The following SEMA3C variants were observed in gnomAD, a reference collection of about 807,000 sequenced individuals.
SEMA3C encodes the protein semaphorin-3C.
A neutral mutation model predicts 89.4 loss-of-function variants in SEMA3C; 47 were observed. That is an observed-to-expected ratio of 0.53 (90% CI 0.42 to 0.67). The LOEUF is 0.67. Ranked by LOEUF, SEMA3C falls within the 30% of genes least tolerant of loss-of-function variation. The probability of loss-of-function intolerance (pLI) is 0.00; values close to 1 mark genes in which losing one functional copy is unlikely to be tolerated. For missense variants in SEMA3C, 839 were observed against 929.1 expected (o/e 0.90, Z 1.26); for synonymous variants, 310 against 320.2 (o/e 0.97, Z 0.34).
At chr7:80,852,519 A>T (rs1485351236) in intron 2 of SEMA3C, among the ~76,000 whole-genome samples, 1 of 152,202 alleles carries the variant, frequency 6.6e-6, no homozygotes, top group African/African-American at 2.4e-5. Context: ...CAAAGGAAAC[A>T]ATCAACAAAG....
At chr7:80,799,150 G>C (rs573103036) in intron 10 of SEMA3C, among the ~76,000 whole-genome samples, 1 of 152,244 alleles carries the variant, frequency 6.6e-6, no homozygotes, top group East Asian at 1.9e-4. Context: ...CTTAGAACAG[G>C]AGTTAAACTC....
chr7:80,850,873 A>G (rs1261750380), intron 2 of SEMA3C, among the ~76,000 whole-genome samples: 1 of 152,158 alleles, frequency 6.6e-6, no homozygotes, highest in Non-Finnish European at 1.5e-5. Flanking sequence ...AGGCGTGGTG[A>G]CTTAAAACAC....
At chr7:80,784,390 A>G (rs1310276259) in intron 12 of SEMA3C, among the ~76,000 whole-genome samples, 2 of 151,938 alleles carry the variant, frequency 1.3e-5, no homozygotes, top group Admixed American at 6.6e-5. Context: ...TTTTATAGAC[A>G]GTAGTATCAG....
chr7:80,854,909 A>C (rs1790602624), intron 2 of SEMA3C, among the ~76,000 whole-genome samples: 1 of 152,194 alleles, frequency 6.6e-6, no homozygotes, highest in Non-Finnish European at 1.5e-5. Context: ...TTCTGTATTT[A>C]GATATTAGAT....
At chr7:80,777,315 G>A (rs1427835195) in intron 12 of SEMA3C, among the ~76,000 whole-genome samples, 6 of 151,152 alleles carry the variant, frequency 4.0e-5, no homozygotes, top group South Asian at 2.1e-4. Flanking sequence ...TTTTTTAGAC[G>A]GCGTCTGGCT....
intron 2 of SEMA3C, among the ~76,000 whole-genome samples, chr7:80,867,811 C>T (rs1790964277): frequency 6.6e-6 from 1 of 151,988 alleles, no homozygotes; most frequent in South Asian, 2.1e-4. Flanking sequence ...ATATGTAATG[C>T]AAATGAGTCA....
upstream of SEMA3C, among the ~76,000 whole-genome samples, chr7:80,920,032 C>T (rs1434318126): frequency 6.6e-6 from 1 of 152,102 alleles, no homozygotes; most frequent in Non-Finnish European, 1.5e-5. Flanking sequence ...AACCATACTC[C>T]CAAACATAAT....
intron 15 of SEMA3C, among the ~76,000 whole-genome samples, chr7:80,756,596 A>G (rs543292374): frequency 1.3e-5 from 2 of 152,318 alleles, no homozygotes; most frequent in Admixed American, 1.3e-4. Context: ...ACAAAGTCTG[A>G]CATCATGTGG....
At chr7:80,918,154 G>C (rs1279356112) in intron 1 of SEMA3C, 1 of 152,162 alleles carries the variant, frequency 6.6e-6, no homozygotes, top group Non-Finnish European at 1.5e-5. Flanking sequence ...TTTTATGGGT[G>C]ACTTTCCCTC....
rs577819044 is a variant in SEMA3C, at chr7:80,905,787, T to C, written c.103+10892A>G. The stretch of plus-strand genomic sequence containing the variant: ...CTTCTTTTATGGTATGCAGCAGGGT[T>C]TGCCTGGTGTAATATTTACATGGTT... On this transcript the variant is annotated intron_variant, in intron 2 of 17. Coordinates refer to ENST00000265361, the MANE Select transcript of SEMA3C (RefSeq NM_006379.5). 9 of 1,088,352 alleles carry C rather than the reference T, an allele frequency of 8.3e-6. No homozygotes were observed. In the East Asian group the frequency reaches 5.3e-4, roughly 64 times the overall value. 67.4% of individuals were successfully genotyped at this position (1,088,352 alleles called of 1,614,324 possible).
chr7:80,837,030 A>G (rs1790146861), intron 2 of SEMA3C, among the ~76,000 whole-genome samples: 1 of 152,242 alleles, frequency 6.6e-6, no homozygotes. Context: ...AAAGTGGAGC[A>G]TGCTGTCAGT....
chr7:80,823,390 T>C (rs1789799197), intron 4 of SEMA3C, among the ~76,000 whole-genome samples: 1 of 152,202 alleles, frequency 6.6e-6, no homozygotes, highest in African/African-American at 2.4e-5. Flanking sequence ...TGTTGCTTTC[T>C]ATGTACTTTT....
chr7:80,861,726 A>G (rs563378200), intron 2 of SEMA3C, among the ~76,000 whole-genome samples: 1 of 152,196 alleles, frequency 6.6e-6, no homozygotes, highest in Non-Finnish European at 1.5e-5. Flanking sequence ...AGGCTCTAAG[A>G]ATACAGTGTT....
chr7:80,866,289 A>T (rs1274117846), intron 2 of SEMA3C, among the ~76,000 whole-genome samples: 1 of 152,090 alleles, frequency 6.6e-6, no homozygotes, highest in Non-Finnish European at 1.5e-5. Flanking sequence ...CTATCTTCTG[A>T]GGGGTCCAGT....
At chr7:80,847,362 G>A (rs1323603462) in intron 2 of SEMA3C, 2 of 152,140 alleles carry the variant, frequency 1.3e-5, no homozygotes, top group Non-Finnish European at 2.9e-5. Context: ...TATACAATAA[G>A]AGTAAATTTC....
At chr7:80,902,652 G>A (rs1157799502) in intron 2 of SEMA3C, among the ~76,000 whole-genome samples, 6 of 152,100 alleles carry the variant, frequency 3.9e-5, no homozygotes, top group African/African-American at 1.4e-4. Flanking sequence ...CAAAACACAT[G>A]TCGTCATGAT....
chr7:80,777,430 T>TA (rs1473308669), intron 12 of SEMA3C, among the ~76,000 whole-genome samples: 1 of 152,142 alleles, frequency 6.6e-6, no homozygotes, highest in Non-Finnish European at 1.5e-5. Context: ...TAGCTGGAAT[T>TA]ACAGATGCGT....
chr7:80,871,320 C>T (rs1791052870), intron 2 of SEMA3C, among the ~76,000 whole-genome samples: 1 of 152,206 alleles, frequency 6.6e-6, no homozygotes, highest in Non-Finnish European at 1.5e-5. Flanking sequence ...AATCCTGTTA[C>T]TTCCTTGCCT....
rs1250019419 is a variant in SEMA3C at position 80,863,872 on chromosome 7, ATATG to A, written c.104-35131_104-35128del. On this transcript the variant is annotated intron_variant, in intron 2 of 17. Transcript: ENST00000265361. ...TATCACATACATATGTATCACATATATATGTATCACATATATATCACACATATAT... is the reference window on the plus strand; with the variant it reads ...TATCACATACATATGTATCACATATATATCACATATATATCACACATATAT... Among the ~76,000 whole-genome samples the A allele has an allele frequency of 1.1e-4, 15 of 131,264 alleles. 1 individual carries two copies. Among genetic ancestry groups the A allele is most frequent in the South Asian group, 4.8e-4 (2 of 4,140 alleles). The allele number at this position is 131,264 out of a possible 152,430, so 86.1% of individuals were successfully genotyped here.
Sources: gnomAD v4.1 joint callset for allele counts (sites outside exome capture counted in the v4.1 genomes callset) on GRCh38, gnomAD v4.1.1 for gene constraint, MANE v1.5 for transcripts, NCBI Gene and HGNC (gene_info 2026-07-23, HGNC 2026-07-21) for gene names.